RIN2: variants seen among roughly 807,000 people sequenced by gnomAD.
RIN2 encodes RAB5 interacting protein 2.
A neutral mutation model predicts 78.0 loss-of-function variants in RIN2; 36 were observed. That is an observed-to-expected ratio of 0.46 (90% CI 0.35 to 0.61). The LOEUF (loss-of-function observed/expected upper bound fraction) is 0.61. RIN2 is among the 20% of genes least tolerant of loss of function. RIN2 has a pLI of 0.00. For missense variants in RIN2, 1,087 were observed against 1,159.7 expected (o/e 0.94, Z 0.91); for synonymous variants, 466 against 466.8 (o/e 1.00, Z 0.02).
intron 1 of RIN2, among the ~76,000 whole-genome samples, chr20:19,784,526 G>A (rs918166359): frequency 5.3e-5 from 8 of 152,068 alleles, no homozygotes; most frequent in Admixed American, 5.2e-4. Context: ...AATGGTGGTT[G>A]CCTGCATCCA....
At chr20:19,956,853 C>T in intron 5 of RIN2, 46 bp downstream of exon 5, 2 of 1,445,758 alleles carry the variant, frequency 1.4e-6, no homozygotes, top group African/African-American at 1.4e-5. Context: ...GGCAGGACTG[C>T]TGCCGGCTTA....
intron 9 of RIN2, among the ~76,000 whole-genome samples, chr20:19,984,360 AC>A (rs1256660787): frequency 1.3e-5 from 2 of 152,178 alleles, no homozygotes; most frequent in African/African-American, 4.8e-5. Flanking sequence ...TAGGCTACAA[AC>A]CTGGACAGCA....
At chr20:19,771,696 A>G (rs961070395) in intron 1 of RIN2, among the ~76,000 whole-genome samples, 20 of 152,290 alleles carry the variant, frequency 1.3e-4, no homozygotes, top group African/African-American at 4.8e-4. Flanking sequence ...TTGGGGAACT[A>G]ACACTGCTTT....
At chr20:19,971,438 G>T (rs2042104226) in intron 8 of RIN2, among the ~76,000 whole-genome samples, 1 of 152,080 alleles carries the variant, frequency 6.6e-6, no homozygotes. Flanking sequence ...GTTGACAATG[G>T]ATCAAGACAT....
intron 4 of RIN2, among the ~76,000 whole-genome samples, chr20:19,947,022 TAAAA>T (rs35136029): frequency 8.6e-6 from 1 of 116,164 alleles, no homozygotes. Context: ...CAGACTGTCT[TAAAA>T]AAAAAAAAAA....
intron 4 of RIN2, among the ~76,000 whole-genome samples, chr20:19,939,754 G>A (rs934415071): frequency 1.3e-5 from 2 of 151,942 alleles, no homozygotes; most frequent in Non-Finnish European, 2.9e-5. Context: ...TCACCCTTGA[G>A]CCCTCCTTTT....
At chr20:19,876,008 TG>T (rs1174934347) in intron 2 of RIN2, among the ~76,000 whole-genome samples, 1 of 152,202 alleles carries the variant, frequency 6.6e-6, no homozygotes, top group Non-Finnish European at 1.5e-5. Flanking sequence ...GCTTTGAGCC[TG>T]GGGTTGTCAT....
rs750439004 is a variant in RIN2, at chr20:19,889,623, G to A, written c.22G>A (p.Ala8Thr). 35 of 1,548,856 alleles carry A rather than the reference G, an allele frequency of 2.3e-5. No homozygotes were observed. The highest frequency in any genetic ancestry group is 1.7e-4 in the Middle Eastern group (1 of 5,956). ...GGAAATGACAGCTTGGACCATGGGC[G>A]CCCGCGGTCTGGACAAGCGAGGAAG... is the stretch of plus-strand genomic sequence containing the variant. The part of the protein sequence containing the change: MTAWTMG[A>T]RGLDKRGSFF... The change falls in exon 3 of 13, where the codon GCC (alanine) becomes ACC (threonine). Residue 8 changes from alanine to threonine, a missense_variant. This residue lies in a region of RIN2 where 706 missense variants were observed against 667.5 expected (regional missense o/e 1.06). Coordinates refer to ENST00000255006, the MANE Select transcript of RIN2 (RefSeq NM_018993.4).
At chr20:19,828,406 C>G (rs1041302210) in intron 2 of RIN2, among the ~76,000 whole-genome samples, 2 of 152,174 alleles carry the variant, frequency 1.3e-5, no homozygotes, top group Non-Finnish European at 2.9e-5. Context: ...CAAGTTAGGT[C>G]AAGTGTGTGT....
rs538554593 is a variant in RIN2 at position 20,002,431 on chromosome 20, T to C, written c.*1495T>C. ...ACATTGTAATACTGTATGATAATCA[T>C]GTGTGAAAATAATTTTTGAAATATC... On this transcript the variant is annotated 3_prime_UTR_variant, in exon 13 of 13. Coordinates refer to ENST00000255006, the MANE Select transcript of RIN2 (RefSeq NM_018993.4). 6.6e-6 allele frequency: 1 copy of C among 152,654 alleles called. No homozygotes were observed. The highest frequency in any genetic ancestry group is 1.9e-4 in the East Asian group (1 of 5,188). 9.5% of individuals were successfully genotyped at this position (152,654 alleles called of 1,614,324 possible). A position where few individuals can be genotyped will look rare whatever the true frequency, so the allele number is the denominator to read the frequency against.
chr20:19,785,580 C>G (rs2034651363), intron 1 of RIN2, among the ~76,000 whole-genome samples: 1 of 152,128 alleles, frequency 6.6e-6, no homozygotes, highest in Non-Finnish European at 1.5e-5. Flanking sequence ...TTTTCTAAAC[C>G]CCAGCCCAAG....
chr20:19,845,341 C>A (rs1271860384), intron 2 of RIN2, among the ~76,000 whole-genome samples: 1 of 152,198 alleles, frequency 6.6e-6, no homozygotes. Flanking sequence ...CTAATTTACA[C>A]TCCCACCAAC....
intron 3 of RIN2, among the ~76,000 whole-genome samples, chr20:19,910,853 C>A (rs2039434392): frequency 6.6e-6 from 1 of 151,092 alleles, no homozygotes; most frequent in African/African-American, 2.4e-5. Context: ...CAGGCGTGAG[C>A]CACACCGCAC....
intron 1 of RIN2, among the ~76,000 whole-genome samples, chr20:19,781,990 A>G (rs1277887355): frequency 6.6e-6 from 1 of 152,192 alleles, no homozygotes; most frequent in Non-Finnish European, 1.5e-5. Context: ...TTGGCTTTAC[A>G]TTTTAAGTTA....
chr20:19,906,842 C>G (rs1172059007), intron 3 of RIN2, among the ~76,000 whole-genome samples: 1 of 152,198 alleles, frequency 6.6e-6, no homozygotes, highest in Non-Finnish European at 1.5e-5. Flanking sequence ...GATGAGTGTC[C>G]TATAGGCCAC....
At chr20:19,781,629 T>C (rs369493394) in intron 1 of RIN2, among the ~76,000 whole-genome samples, 33 of 152,294 alleles carry the variant, frequency 2.2e-4, no homozygotes, top group African/African-American at 7.7e-4. Flanking sequence ...GGTTTCACCA[T>C]GTTGGCCAGG....
At position 19,960,760 on chromosome 20, in the gene RIN2, T is replaced by C. The variant is rs1233952662; in HGVS notation, c.412T>C (p.Cys138Arg). The C allele has an allele frequency of 6.2e-7, 1 of 1,604,866 alleles. No homozygotes were observed. The highest frequency in any genetic ancestry group is 8.5e-7 in the Non-Finnish European group (1 of 1,175,730). ...QKKVLSLRLPCEFGAPLKEFA... is the reference protein window; with the variant it reads ...QKKVLSLRLPREFGAPLKEFA... ...GAAAGTCCTCTCCCTCCGCCTGCCC[T>C]GTGAATTTGGGGCCCCACTCAAGGA... Residue 138 changes from cysteine (C) to arginine (R), a missense_variant, in exon 6 of 13, where the codon TGT becomes CGT. Transcript: ENST00000255006.
intron 2 of RIN2, among the ~76,000 whole-genome samples, chr20:19,851,839 C>T (rs1160407993): frequency 6.6e-6 from 1 of 152,140 alleles, no homozygotes; most frequent in African/African-American, 2.4e-5. Flanking sequence ...AGTAGAACTA[C>T]CTAACAAGGC....
intron 3 of RIN2, chr20:19,934,599 T>C: frequency 1.0e-6 from 1 of 984,290 alleles, no homozygotes; most frequent in Middle Eastern, 5.2e-4. Flanking sequence ...AGAAATCATT[T>C]TGATGTCGTC....
Sources: allele counts gnomAD v4.1 joint callset (sites outside exome capture counted in the v4.1 genomes callset), GRCh38; gene constraint gnomAD v4.1.1; regional missense constraint gnomAD v4.1.1; transcripts MANE v1.5; gene names NCBI Gene and HGNC (gene_info 2026-07-23, HGNC 2026-07-21).